Variants in ZNF678 observed in about 807,000 individuals in gnomAD.
ZNF678 encodes hypothetical protein MGC42493.
In ZNF678, 5 loss-of-function variants were observed where a neutral mutation model predicts 3.0. The observed-to-expected ratio is 1.69, with a 90% confidence interval of 0.88 to 3.56. The LOEUF (loss-of-function observed/expected upper bound fraction) is 3.56, where lower values mean the gene tolerates loss of function less well. Ranked by LOEUF, ZNF678 falls within the 30% of genes most tolerant of loss-of-function variation. The pLI is 0.00. For synonymous variants in ZNF678, 218 were observed against 199.6 expected (o/e 1.09, Z -0.78); for missense variants, 593 against 605.0 (o/e 0.98, Z 0.21).
intron 3 of ZNF678, among the ~76,000 whole-genome samples, chr1:227,652,841 A>G (rs1659123321): frequency 6.6e-6 from 1 of 152,116 alleles, no homozygotes; most frequent in Admixed American, 6.6e-5. Flanking sequence ...GTATATGTGT[A>G]CATCTTTCCC....
At chr1:227,578,257 C>T (rs1003409255) in intron 1 of ZNF678, among the ~76,000 whole-genome samples, 1 of 152,106 alleles carries the variant, frequency 6.6e-6, no homozygotes, top group Non-Finnish European at 1.5e-5. Context: ...GTGCGTTCTG[C>T]ATTTTTTGAA....
At chr1:227,669,144 GA>G (rs1456042988) in intron 5 of ZNF678, among the ~76,000 whole-genome samples, 4 of 150,546 alleles carry the variant, frequency 2.7e-5, no homozygotes, top group African/African-American at 7.3e-5. Flanking sequence ...TACACAATGG[GA>G]AAAAAATATT....
Position 227,646,531 on chromosome 1 carries a change from TTC to T in ZNF678, c.-163-12_-163-11del, listed in dbSNP as rs1491152592. 32 of 1,330,004 alleles carry T rather than the reference TTC, an allele frequency of 2.4e-5. No individual in the cohort carries two copies. The highest frequency in any genetic ancestry group is 2.1e-4 in the Middle Eastern group (1 of 4,718). The allele number at this position is 1,330,004 out of a possible 1,614,324, so 82.4% of individuals were successfully genotyped here. ...ACATTTTGTAAATACGTGTGTATTT[TTC>T]CCCCCCCCAGGGACTACTGGCATTC... On this transcript the variant is annotated splice_polypyrimidine_tract_variant and intron_variant, in intron 1 of 3. Transcript: ENST00000343776.
intron 1 of ZNF678, 81 bp downstream of exon 1, chr1:227,563,805 G>C: frequency 1.6e-6 from 2 of 1,249,366 alleles, no homozygotes; most frequent in South Asian, 1.3e-5. Flanking sequence ...CCGGAGTCCC[G>C]GCTGGCACCT....
intron 1 of ZNF678, among the ~76,000 whole-genome samples, chr1:227,617,781 A>T (rs373505125): frequency 1.3e-5 from 2 of 152,208 alleles, no homozygotes; most frequent in African/African-American, 4.8e-5. Flanking sequence ...TGTCTTTAAA[A>T]TATCCTCCAA....
intron 1 of ZNF678, among the ~76,000 whole-genome samples, chr1:227,631,842 G>C (rs1658554802): frequency 6.6e-6 from 1 of 152,234 alleles, no homozygotes. Flanking sequence ...CTGTGAGAGA[G>C]ATAATTCCTC....
intron 1 of ZNF678, among the ~76,000 whole-genome samples, chr1:227,609,921 G>C (rs58020705): frequency 0.21 from 31,895 of 151,974 alleles, 3,775 homozygotes; most frequent in East Asian, 0.44. Context: ...TTTTAGTACA[G>C]ACAGGGTTTC....
chr1:227,621,663 A>G (rs546545805), intron 1 of ZNF678, among the ~76,000 whole-genome samples: 1 of 152,212 alleles, frequency 6.6e-6, no homozygotes, highest in Non-Finnish European at 1.5e-5. Flanking sequence ...TAAAAAAATG[A>G]TAGGCATTCA....
chr1:227,643,285 G>A (rs1658867761), intron 1 of ZNF678, among the ~76,000 whole-genome samples: 1 of 152,172 alleles, frequency 6.6e-6, no homozygotes, highest in Non-Finnish European at 1.5e-5. Context: ...ATTAGTGCCA[G>A]AAAATTCTAA....
chr1:227,679,029 C>T (rs1659726246), downstream of ZNF678, among the ~76,000 whole-genome samples: 1 of 151,816 alleles, frequency 6.6e-6, no homozygotes, highest in Non-Finnish European at 1.5e-5. Context: ...AAACAAATGC[C>T]CATAACTTAC....
At chr1:227,616,703 C>T (rs186159021) in intron 1 of ZNF678, among the ~76,000 whole-genome samples, 14 of 152,232 alleles carry the variant, frequency 9.2e-5, no homozygotes, top group African/African-American at 2.4e-4. Context: ...CACCACTGTC[C>T]GGGGGTGTCT....
chr1:227,637,575 A>G (rs1658711396), intron 1 of ZNF678, among the ~76,000 whole-genome samples: 1 of 152,142 alleles, frequency 6.6e-6, no homozygotes. Context: ...CATGCTGTTC[A>G]TCGGTATAGT....
chr1:227,591,692 G>A (rs1398830281), intron 1 of ZNF678, among the ~76,000 whole-genome samples: 1 of 151,998 alleles, frequency 6.6e-6, no homozygotes, highest in Admixed American at 6.5e-5. Flanking sequence ...ACATCAGGTT[G>A]GTCATTTCCT....
rs368606982 is a variant in ZNF678, at chr1:227,649,417, C to G, written c.-36-1539C>G. Among the ~76,000 whole-genome samples the G allele has an allele frequency of 8.5e-5, 13 of 152,324 alleles. 1 individual carries two copies. The East Asian group carries it at 2.3e-3, about 27-fold the overall frequency. ...CCAAGCTGGAGTGCAATAGCATGAT[C>G]TCAGCTCACTATGACCTCCACCTCC... is the stretch of plus-strand genomic sequence containing the variant. On this transcript the variant is annotated intron_variant, in intron 2 of 3. Transcript: ENST00000343776.
At chr1:227,651,247 T>G (rs1363547250) in intron 3 of ZNF678, among the ~76,000 whole-genome samples, 171 bp downstream of exon 3, 1 of 152,156 alleles carries the variant, frequency 6.6e-6, no homozygotes, top group Non-Finnish European at 1.5e-5. Flanking sequence ...TCTTATTCCT[T>G]GGCCAACTGA....
At chr1:227,666,149 A>G (rs999492965), downstream of ZNF678, among the ~76,000 whole-genome samples, 4 of 152,234 alleles carry the variant, frequency 2.6e-5, no homozygotes, top group African/African-American at 7.2e-5. Context: ...TACTTCTGAA[A>G]TGGTAAATGC....
At chr1:227,616,420 ATTC>A (rs375930202) in intron 1 of ZNF678, among the ~76,000 whole-genome samples, 4 of 152,194 alleles carry the variant, frequency 2.6e-5, no homozygotes, top group African/African-American at 9.7e-5. Flanking sequence ...TTTCTCAGTA[ATTC>A]TTCTTTTTCT....
chr1:227,616,317 A>G (rs773376088), intron 1 of ZNF678, among the ~76,000 whole-genome samples: 1 of 152,190 alleles, frequency 6.6e-6, no homozygotes, highest in Non-Finnish European at 1.5e-5. Context: ...AGGCATATAT[A>G]TAGGGTGAAC....
downstream of ZNF678, among the ~76,000 whole-genome samples, chr1:227,678,918 C>T (rs1459544660): frequency 1.3e-5 from 2 of 152,152 alleles, no homozygotes; most frequent in Admixed American, 6.5e-5. Context: ...TTAATCCTTA[C>T]ATCTCTCATA....
Sources: gnomAD v4.1 joint callset for allele counts (sites outside exome capture counted in the v4.1 genomes callset) on GRCh38, gnomAD v4.1.1 for gene constraint, MANE v1.5 for transcripts, NCBI Gene and HGNC (gene_info 2026-07-23, HGNC 2026-07-21) for gene names.